CADM2: variants seen among roughly 807,000 people sequenced by gnomAD.
CADM2 encodes the protein cell adhesion molecule 2, also known as immunoglobulin superfamily member 4D.
A neutral mutation model predicts 49.8 loss-of-function variants in CADM2; 12 were observed. The observed-to-expected ratio is 0.24, with a 90% CI of 0.15 to 0.39. The LOEUF (loss-of-function observed/expected upper bound fraction) is 0.39. CADM2 is among the 10% of genes least tolerant of loss of function. CADM2 has a pLI of 1.00. For missense variants in CADM2, 378 were observed against 492.3 expected (o/e 0.77, Z 2.20); for synonymous variants, 214 against 175.4 (o/e 1.22, Z -1.74).
intron 1 of CADM2, among the ~76,000 whole-genome samples, chr3:85,507,355 T>G (rs2040403010): frequency 6.6e-6 from 1 of 151,924 alleles, no homozygotes; most frequent in African/African-American, 2.4e-5. Context: ...GCCTGGCTAG[T>G]TTTTTGTATT....
At chr3:85,502,542 G>A (rs759343094) in intron 1 of CADM2, among the ~76,000 whole-genome samples, 2 of 152,022 alleles carry the variant, frequency 1.3e-5, no homozygotes, top group Non-Finnish European at 2.9e-5. Flanking sequence ...TTAATTATCT[G>A]CAACTATCAG....
intron 1 of CADM2, among the ~76,000 whole-genome samples, chr3:85,194,631 G>A (rs988179817): frequency 3.9e-5 from 6 of 151,940 alleles, no homozygotes; most frequent in Non-Finnish European, 8.8e-5. Flanking sequence ...GCAGAGGGAA[G>A]ATAAATAAGA....
intron 1 of CADM2, among the ~76,000 whole-genome samples, chr3:85,169,208 A>G (rs900485282): frequency 5.3e-5 from 8 of 152,144 alleles, no homozygotes; most frequent in Non-Finnish European, 1.2e-4. Context: ...TGGCAAGTCT[A>G]GTGTCGAACT....
chr3:85,663,665 C>T (rs2065477273), intron 1 of CADM2, among the ~76,000 whole-genome samples: 1 of 152,028 alleles, frequency 6.6e-6, no homozygotes, highest in Non-Finnish European at 1.5e-5. Flanking sequence ...GCAATGGCTC[C>T]TTCTTTTTCC....
chr3:85,549,705 C>A (rs530993962), intron 1 of CADM2, among the ~76,000 whole-genome samples: 1 of 152,180 alleles, frequency 6.6e-6, no homozygotes, highest in Admixed American at 6.5e-5. Context: ...CTCACTACAA[C>A]CTCTGCCTCC....
chr3:85,734,066 A>G (rs1354884453), intron 2 of CADM2, among the ~76,000 whole-genome samples: 1 of 152,190 alleles, frequency 6.6e-6, no homozygotes, highest in Non-Finnish European at 1.5e-5. Flanking sequence ...GTTACACTAA[A>G]AATAAATGTA....
intron 1 of CADM2, chr3:85,385,571 G>A (rs1227147293): frequency 6.6e-6 from 1 of 152,018 alleles, no homozygotes; most frequent in Admixed American, 6.6e-5. Context: ...GCACAGGAAA[G>A]AATTGAGTTT....
At chr3:85,054,428 G>C (rs1463933721) in intron 1 of CADM2, among the ~76,000 whole-genome samples, 2 of 151,836 alleles carry the variant, frequency 1.3e-5, no homozygotes, top group Non-Finnish European at 2.9e-5. Flanking sequence ...ACATGGCTTT[G>C]TTAAGGCTTA....
intron 1 of CADM2, among the ~76,000 whole-genome samples, chr3:85,718,212 A>G (rs964348575): frequency 6.6e-6 from 1 of 152,234 alleles, no homozygotes; most frequent in Non-Finnish European, 1.5e-5. Context: ...GGGGAATAAC[A>G]TGAAATGAGG....
chr3:85,515,832 T>A (rs1423613297), intron 1 of CADM2, among the ~76,000 whole-genome samples: 1 of 151,894 alleles, frequency 6.6e-6, no homozygotes, highest in African/African-American at 2.4e-5. Context: ...AAGTTAAATG[T>A]ATTTAAATAT....
At chr3:85,507,887 A>G (rs1424220503) in intron 1 of CADM2, among the ~76,000 whole-genome samples, 1 of 150,494 alleles carries the variant, frequency 6.6e-6, no homozygotes, top group Non-Finnish European at 1.5e-5. Flanking sequence ...ATGTTCTTGC[A>G]CTTTTTAAAA....
At chr3:85,729,829 T>A (rs2067856115) in intron 2 of CADM2, among the ~76,000 whole-genome samples, 1 of 152,064 alleles carries the variant, frequency 6.6e-6, no homozygotes, top group South Asian at 2.1e-4. Flanking sequence ...TTTCTAAGGG[T>A]TTTTTCATTG....
intron 8 of CADM2, among the ~76,000 whole-genome samples, chr3:86,010,862 T>A (rs960263197): frequency 1.3e-5 from 2 of 151,562 alleles, no homozygotes; most frequent in African/African-American, 4.8e-5. Flanking sequence ...CCAATAAGGA[T>A]GAAATTAAAA....
intron 8 of CADM2, among the ~76,000 whole-genome samples, chr3:86,036,808 A>G (rs1735224699): frequency 6.6e-6 from 1 of 152,184 alleles, no homozygotes; most frequent in Non-Finnish European, 1.5e-5. Flanking sequence ...TACCCTGGAA[A>G]TAGAACAGAT....
intron 1 of CADM2, among the ~76,000 whole-genome samples, chr3:84,985,578 AACG>A (rs2107154988): frequency 6.6e-6 from 1 of 152,240 alleles, no homozygotes; most frequent in African/African-American, 2.4e-5. Flanking sequence ...GAGAACAAGA[AACG>A]TGCATTCATT....
chr3:85,685,846 G>A (rs56261421), intron 1 of CADM2, among the ~76,000 whole-genome samples: 3 of 151,038 alleles, frequency 2.0e-5, no homozygotes, highest in South Asian at 4.2e-4. Context: ...GCCTGGTCTC[G>A]AACTCCTGAC....
At chr3:85,894,092 C>A (rs1714866787) in intron 5 of CADM2, among the ~76,000 whole-genome samples, 1 of 152,198 alleles carries the variant, frequency 6.6e-6, no homozygotes, top group Admixed American at 6.5e-5. Flanking sequence ...GACTTGGAAC[C>A]AAGCCAAATG....
At chr3:85,560,139 A>G (rs59073108) in intron 1 of CADM2, among the ~76,000 whole-genome samples, 77,914 of 152,040 alleles carry the variant, frequency 0.51, 23,047 homozygotes, top group East Asian at 0.85. Flanking sequence ...ATGCCTGAGA[A>G]TGTCTTCACT....
intron 3 of CADM2, among the ~76,000 whole-genome samples, chr3:85,809,658 CCCTT>C (rs538027252): frequency 0.19 from 13,202 of 68,760 alleles, 1,839 homozygotes; most frequent in East Asian, 0.26. Flanking sequence ...AACATTTTCT[CCCTT>C]CCTTCCTTCC....
Sources: gnomAD v4.1 joint callset for allele counts (sites outside exome capture counted in the v4.1 genomes callset) on GRCh38, gnomAD v4.1.1 for gene constraint, MANE v1.5 for transcripts, NCBI Gene and HGNC (gene_info 2026-07-23, HGNC 2026-07-21) for gene names.